The following ZNF676 variants were observed in gnomAD, a reference collection of about 807,000 sequenced individuals.
ZNF676 encodes zinc finger protein 676.
A neutral mutation model predicts 6.0 loss-of-function variants in ZNF676; 4 were observed. The observed-to-expected ratio is 0.67, with a 90% confidence interval of 0.33 to 1.53. The LOEUF (loss-of-function observed/expected upper bound fraction) is 1.53. Ranked by LOEUF, ZNF676 falls within the 40% of genes most tolerant of loss-of-function variation. The pLI is 0.06. For missense variants in ZNF676, 644 were observed against 679.7 expected (o/e 0.95, Z 0.58); for synonymous variants, 198 against 223.1 (o/e 0.89, Z 1.00).
the ZNF676 span, among the ~76,000 whole-genome samples, chr19:22,256,052 C>T: frequency 6.6e-6 from 1 of 152,056 alleles, no homozygotes; most frequent in African/African-American, 2.4e-5. Flanking sequence ...GTGTGCTGGG[C>T]TCTGTGATGA....
At chr19:22,238,009 T>A in the ZNF676 span, among the ~76,000 whole-genome samples, 1 of 152,184 alleles carries the variant, frequency 6.6e-6, no homozygotes, top group Non-Finnish European at 1.5e-5. Context: ...GATTTGAGGC[T>A]CAGTAACTGC....
At chr19:22,251,649 G>A in the ZNF676 span, among the ~76,000 whole-genome samples, 51 of 152,094 alleles carry the variant, frequency 3.4e-4, no homozygotes, top group South Asian at 7.5e-3. Flanking sequence ...TTAGCCGGGC[G>A]TGGTGGCACG....
chr19:22,213,860 AG>A (rs1599720202), intron 1 of ZNF676, among the ~76,000 whole-genome samples: 1 of 152,226 alleles, frequency 6.6e-6, no homozygotes, highest in East Asian at 1.9e-4. Context: ...CTCAGGTCCA[AG>A]GAAAAAACTG....
chr19:22,204,607 A>T (rs2144800878), intron 1 of ZNF676, among the ~76,000 whole-genome samples: 1 of 152,260 alleles, frequency 6.6e-6, no homozygotes, highest in East Asian at 1.9e-4. Context: ...GCAAATAATC[A>T]CCTTGGATAA....
intron 1 of ZNF676, among the ~76,000 whole-genome samples, chr19:22,212,668 G>A (rs1436688691): frequency 1.3e-5 from 2 of 151,780 alleles, no homozygotes; most frequent in South Asian, 2.1e-4. Context: ...TTGCACCACC[G>A]CACTCCAGCC....
At chr19:22,245,747 G>A in the ZNF676 span, among the ~76,000 whole-genome samples, 3 of 152,066 alleles carry the variant, frequency 2.0e-5, no homozygotes, top group Admixed American at 6.6e-5. Context: ...ATACTCCTGT[G>A]GGCAGAGTCC....
At chr19:22,229,976 G>A in the ZNF676 span, among the ~76,000 whole-genome samples, 6 of 152,156 alleles carry the variant, frequency 3.9e-5, no homozygotes, top group African/African-American at 1.4e-4. Flanking sequence ...AATACCATTT[G>A]ACCCAGCAAT....
chr19:22,198,552 C>T (rs2023994614), upstream of ZNF676, among the ~76,000 whole-genome samples: 1 of 152,008 alleles, frequency 6.6e-6, no homozygotes, highest in African/African-American at 2.4e-5. Context: ...CTCCTCCTTC[C>T]CTAGGATTCT....
At chr19:22,238,988 A>T in the ZNF676 span, among the ~76,000 whole-genome samples, 1 of 152,138 alleles carries the variant, frequency 6.6e-6, no homozygotes, top group Admixed American at 6.5e-5. Context: ...CCTCACAGAC[A>T]CATCCAGGAT....
chr19:22,219,151 T>A (rs1314472648), upstream of ZNF676, among the ~76,000 whole-genome samples: 1 of 151,718 alleles, frequency 6.6e-6, no homozygotes, highest in African/African-American at 2.4e-5. Flanking sequence ...CAGGCTGGAG[T>A]GCAGTGGCAT....
chr19:22,250,366 CT>C, the ZNF676 span, among the ~76,000 whole-genome samples: 1 of 152,022 alleles, frequency 6.6e-6, no homozygotes, highest in Non-Finnish European at 1.5e-5. Context: ...AAAGCTAAGT[CT>C]TTATCAAAAA....
At chr19:22,196,275 G>A (rs1177119440) in intron 1 of ZNF676, among the ~76,000 whole-genome samples, 17 of 152,078 alleles carry the variant, frequency 1.1e-4, no homozygotes, top group Admixed American at 1.1e-3. Flanking sequence ...TCACTCCCTG[G>A]TGCCATGCTC....
the ZNF676 span, among the ~76,000 whole-genome samples, chr19:22,238,299 C>G: frequency 2.0e-5 from 3 of 152,100 alleles, no homozygotes; most frequent in African/African-American, 7.2e-5. Flanking sequence ...ATCCACCTGC[C>G]TCAGCACCCC....
chr19:22,250,986 A>G, the ZNF676 span, among the ~76,000 whole-genome samples: 2 of 152,174 alleles, frequency 1.3e-5, no homozygotes, highest in East Asian at 3.9e-4. Context: ...TGCTGGGATT[A>G]CAAGTGTGAG....
At chr19:22,203,505 A>G (rs188665981) in intron 1 of ZNF676, 1 of 152,318 alleles carries the variant, frequency 6.6e-6, no homozygotes, top group Admixed American at 6.5e-5. Flanking sequence ...TATTTCCCTA[A>G]GAAGAATTTC....
upstream of ZNF676, among the ~76,000 whole-genome samples, chr19:22,220,549 T>C (rs1400929915): frequency 1.3e-5 from 2 of 150,600 alleles, no homozygotes; most frequent in Non-Finnish European, 3.0e-5. Context: ...ACTTGCCTCC[T>C]GGGTTTAAGT....
upstream of ZNF676, among the ~76,000 whole-genome samples, chr19:22,201,032 G>A (rs1188433113): frequency 3.3e-5 from 5 of 152,090 alleles, no homozygotes; most frequent in Non-Finnish European, 5.9e-5. Context: ...ATGGTCCAAT[G>A]ATAAGACAGA....
chr19:22,189,142 T>C (rs1170049792), intron 2 of ZNF676, among the ~76,000 whole-genome samples: 4 of 152,160 alleles, frequency 2.6e-5, no homozygotes, highest in Non-Finnish European at 5.9e-5. Flanking sequence ...AGTATGGTAC[T>C]GGTATCCAAA....
At chr19:22,188,669 G>C (rs901347345) in intron 2 of ZNF676, among the ~76,000 whole-genome samples, 9 of 152,102 alleles carry the variant, frequency 5.9e-5, no homozygotes, top group African/African-American at 2.2e-4. Flanking sequence ...AAAGTCTCAG[G>C]ATAGAAAATC....
Sources: allele counts gnomAD v4.1 joint callset (sites outside exome capture counted in the v4.1 genomes callset), GRCh38; gene constraint gnomAD v4.1.1; transcripts MANE v1.5; gene names NCBI Gene and HGNC (gene_info 2026-07-23, HGNC 2026-07-21).